Variants in FZD3 observed in about 807,000 individuals in gnomAD.
The protein encoded by FZD3 is frizzled class receptor 3.
FZD3 carries 30 observed loss-of-function variants against 60.7 expected under a neutral mutation model. The ratio of observed to expected loss-of-function variants is 0.49; its 90% CI spans 0.37 to 0.67. The LOEUF is 0.67. FZD3 is among the 30% of genes least tolerant of loss of function. The pLI, the probability that FZD3 is intolerant of heterozygous loss-of-function variation, is 0.00. For missense variants in FZD3, 605 were observed against 838.7 expected (o/e 0.72, Z 3.44); for synonymous variants, 246 against 275.2 (o/e 0.89, Z 1.05).
At chr8:28,547,385 T>A (rs888718129) in intron 5 of FZD3, among the ~76,000 whole-genome samples, 1 of 152,252 alleles carries the variant, frequency 6.6e-6, no homozygotes, top group African/African-American at 2.4e-5. Flanking sequence ...ATACATCATT[T>A]CACATATAAA....
intron 7 of FZD3, among the ~76,000 whole-genome samples, chr8:28,558,339 T>C (rs1489574599): frequency 2.0e-5 from 3 of 152,212 alleles, no homozygotes; most frequent in Non-Finnish European, 4.4e-5. Flanking sequence ...ATCAGAGTTC[T>C]TTTAGAATAT....
At position 28,502,948 on chromosome 8, in the gene FZD3, G is replaced by T; in HGVS notation, c.-66G>T. On this transcript the variant is annotated 5_prime_UTR_variant, in exon 3 of 8. Coordinates refer to ENST00000240093, the MANE Select transcript of FZD3 (RefSeq NM_017412.4). ...TACCTTCGAGCTGAGACCTGCAGGT[G>T]TATAAATATCTAAAATACATATTGA... The T allele has an allele frequency of 1.9e-6, 2 of 1,039,086 alleles. No homozygotes were observed. Among genetic ancestry groups the T allele is most frequent in the Non-Finnish European group, 2.9e-6 (2 of 694,900 alleles). The allele number at this position is 1,039,086 out of a possible 1,614,324, so 64.4% of individuals were successfully genotyped here.
chr8:28,548,140 A>G (rs1178720169), intron 5 of FZD3, among the ~76,000 whole-genome samples: 9 of 152,112 alleles, frequency 5.9e-5, no homozygotes, highest in Non-Finnish European at 1.2e-4. Context: ...GGTGTGAGCC[A>G]CCGTGCCCAG....
intron 5 of FZD3, among the ~76,000 whole-genome samples, chr8:28,539,276 G>A (rs1805100313): frequency 6.6e-6 from 1 of 152,162 alleles, no homozygotes; most frequent in Non-Finnish European, 1.5e-5. Context: ...GTTGTGAGCT[G>A]TGCATGTGAG....
intron 5 of FZD3, among the ~76,000 whole-genome samples, chr8:28,543,153 ACT>A (rs1434257908): frequency 6.6e-6 from 1 of 151,988 alleles, no homozygotes; most frequent in Non-Finnish European, 1.5e-5. Flanking sequence ...TCTGCAATCA[ACT>A]CTGATTAGCT....
At chr8:28,557,930 A>C (rs1334298032) in intron 7 of FZD3, among the ~76,000 whole-genome samples, 1 of 152,216 alleles carries the variant, frequency 6.6e-6, no homozygotes, top group East Asian at 1.9e-4. Context: ...AGAGAAGAAA[A>C]CCATTTAATA....
Position 28,533,480 on chromosome 8 carries a change from T to C in FZD3, c.1404+5316T>C, listed in dbSNP as rs1012999865. On this transcript the variant is annotated intron_variant, in intron 5 of 7. Transcript: ENST00000240093. ...TTTAAAATGTATCTTAAAAATACATTTAATAGTTACTTTAAATTTAACCAA... is the reference window on the plus strand; with the variant it reads ...TTTAAAATGTATCTTAAAAATACATCTAATAGTTACTTTAAATTTAACCAA... 8.5e-5 allele frequency among the ~76,000 whole-genome samples: 13 copies of C among 152,356 alleles called. No individual in the cohort carries two copies. In the East Asian group the frequency reaches 2.5e-3, roughly 29 times the overall value.
intron 5 of FZD3, among the ~76,000 whole-genome samples, chr8:28,532,644 T>C (rs936129403): frequency 6.6e-6 from 1 of 151,862 alleles, no homozygotes; most frequent in East Asian, 1.9e-4. Context: ...CCCAGCCTGG[T>C]CTTAAGTGAT....
At chr8:28,545,760 G>A (rs1197979075) in intron 5 of FZD3, among the ~76,000 whole-genome samples, 2 of 152,210 alleles carry the variant, frequency 1.3e-5, no homozygotes, top group African/African-American at 4.8e-5. Context: ...TTTTTACACA[G>A]TCATAGATGG....
intron 3 of FZD3, among the ~76,000 whole-genome samples, chr8:28,516,650 A>G (rs886637344): frequency 6.6e-6 from 1 of 152,082 alleles, no homozygotes; most frequent in Non-Finnish European, 1.5e-5. Context: ...GCTCTTATAA[A>G]TGGAATAATT....
chr8:28,507,769 G>C (rs1196476111), intron 3 of FZD3, among the ~76,000 whole-genome samples: 2 of 148,792 alleles, frequency 1.3e-5, no homozygotes, highest in East Asian at 4.0e-4. Context: ...TTTGGTTTAA[G>C]TTTCATTGTG....
At chr8:28,528,387 G>T (rs949999610) in intron 5 of FZD3, among the ~76,000 whole-genome samples, 1 of 151,470 alleles carries the variant, frequency 6.6e-6, no homozygotes, top group African/African-American at 2.4e-5. Flanking sequence ...TACACTATGG[G>T]CTTTTAAGCA....
rs564719542 is a variant in FZD3 at position 28,528,870 on chromosome 8, T to C, written c.1404+706T>C. Among the ~76,000 whole-genome samples the C allele has an allele frequency of 5.9e-5, 9 of 152,244 alleles. No individual in the cohort carries two copies. In the South Asian group the frequency reaches 1.9e-3, roughly 32 times the overall value. ...ATCAGAGGAGTTAATGCTAAGTATTTCTTATCTTTAGTACTTCTAGAATCT... is the reference window on the plus strand; with the variant it reads ...ATCAGAGGAGTTAATGCTAAGTATTCCTTATCTTTAGTACTTCTAGAATCT... On this transcript the variant is annotated intron_variant, in intron 5 of 7. Transcript: ENST00000240093.
chr8:28,530,098 TG>T (rs1804825343), intron 5 of FZD3, among the ~76,000 whole-genome samples: 1 of 22,100 alleles, frequency 4.5e-5, no homozygotes, highest in African/African-American at 2.1e-4. Flanking sequence ...TCTGTGTGTG[TG>T]TGTGTGTGTG....
chr8:28,514,271 T>C (rs1050098797), intron 3 of FZD3, among the ~76,000 whole-genome samples: 4 of 152,158 alleles, frequency 2.6e-5, no homozygotes, highest in Non-Finnish European at 5.9e-5. Flanking sequence ...GTGTTCAGGC[T>C]ACCTCATTTA....
chr8:28,527,284 T>C lies in FZD3; in HGVS notation c.524T>C (p.Leu175Pro). Residue 175 changes from leucine to proline, a missense_variant, in exon 5 of 8, where the codon CTG (leucine) becomes CCG (proline). Leu to Pro is a moderately conservative substitution (Grantham distance 98). Transcript: ENST00000240093. The surrounding 1 kb of genome is among the most constrained non-coding windows in gnomAD (Gnocchi z 5.0). ...CPRELKIDPDLGYSFLHVRDC... is the reference protein window; with the variant it reads ...CPRELKIDPDPGYSFLHVRDC... ...CGAGAGTTAAAAATTGATCCTGATC[T>C]GGGTTATTCTTTTCTGCATGTGCGT... 6.2e-7 allele frequency: 1 copy of C among 1,614,114 alleles called. No homozygotes were observed. Among genetic ancestry groups the C allele is most frequent in the Non-Finnish European group, 8.5e-7 (1 of 1,179,948 alleles).
Position 28,554,731 on chromosome 8 carries a change from A to G in FZD3, c.1554-1007A>G, listed in dbSNP as rs570250754. On this transcript the variant is annotated intron_variant, in intron 6 of 7. Coordinates refer to ENST00000240093, the MANE Select transcript of FZD3 (RefSeq NM_017412.4). Reference sequence around the variant, plus strand: ...AAGGAGAATATATATAAAGTACTCAATAAATACTAGACTTCCTTCAGCCCA... The same window carrying G: ...AAGGAGAATATATATAAAGTACTCAGTAAATACTAGACTTCCTTCAGCCCA... Among the ~76,000 whole-genome samples the G allele has an allele frequency of 3.9e-5, 6 of 152,254 alleles. No individual in the cohort carries two copies. The East Asian group carries it at 1.2e-3, about 29-fold the overall frequency.
At chr8:28,521,351 T>G (rs958194084) in intron 4 of FZD3, among the ~76,000 whole-genome samples, 5 of 152,140 alleles carry the variant, frequency 3.3e-5, no homozygotes, top group Admixed American at 3.3e-4. Context: ...TTATTAGACA[T>G]TCTTAAAGTT....
intron 5 of FZD3, among the ~76,000 whole-genome samples, chr8:28,541,685 C>A (rs1319553473): frequency 1.3e-5 from 2 of 152,190 alleles, no homozygotes; most frequent in Non-Finnish European, 2.9e-5. Flanking sequence ...ATGACACTTT[C>A]TTTTGAAAGT....
Sources: gnomAD v4.1 joint callset for allele counts (sites outside exome capture counted in the v4.1 genomes callset) on GRCh38, gnomAD v4.1.1 for gene constraint, Gnocchi (gnomAD v3.1) non-coding constraint, MANE v1.5 for transcripts, NCBI Gene and HGNC (gene_info 2026-07-23, HGNC 2026-07-21) for gene names.